The following DDX3X variants were observed in gnomAD, a reference collection of about 807,000 sequenced individuals.
The protein encoded by DDX3X is DEAD-box helicase 3 X-linked, also known as ATP-dependent RNA helicase DDX3X.
In DDX3X, 4 loss-of-function variants were observed where a neutral mutation model predicts 52.7. The ratio of observed to expected loss-of-function variants is 0.08; its 90% CI spans 0.04 to 0.17. The LOEUF (loss-of-function observed/expected upper bound fraction) is 0.17. DDX3X is among the 10% of genes least tolerant of loss of function. DDX3X has a pLI of 1.00. For synonymous variants in DDX3X, 192 were observed against 178.1 expected, an observed-to-expected ratio of 1.08 and a Z score of -0.62; for missense variants, 222 against 548.6, an observed-to-expected ratio of 0.40 and a Z score of 5.95.
intron 1 of DDX3X, chrX:41,335,065 G>GGGGGAGGGGTGGGGGCGGGGA (rs2063743747): frequency 9.1e-6 from 1 of 109,586 alleles, no homozygotes; most frequent in Non-Finnish European, 1.9e-5. Context: ...GGGGAGGAGT[G>GGGGGAGGGGTGGGGGCGGGGA]GGGGAGGGGT....
Position 41,345,554 on chromosome X carries a change from A to G in DDX3X, c.1315+6A>G. On this transcript the variant is annotated splice_donor_region_variant and intron_variant, in intron 12 of 16. Transcript: ENST00000644876. ...TGACCTCCTAAATGCAACAGGTAAC[A>G]TTATGAATTTTTTATTTTATTAGAC... is the stretch of plus-strand genomic sequence containing the variant. 8.4e-7 allele frequency: 1 copy of G among 1,190,858 alleles called. No individual in the cohort carries two copies. Among genetic ancestry groups the G allele is most frequent in the Non-Finnish European group, 1.1e-6 (1 of 884,958 alleles).
At chrX:41,344,733 C>T (rs369449444) in intron 10 of DDX3X, among the ~76,000 whole-genome samples, 9 of 112,085 alleles carry the variant, frequency 8.0e-5, no homozygotes, top group African/African-American at 1.3e-4. Context: ...CCATCGCACC[C>T]GGCCAAGTAT....
At chrX:41,345,998 C>G in intron 12 of DDX3X, 3 of 385,498 alleles carry the variant, frequency 7.8e-6, no homozygotes, top group African/African-American at 7.7e-5. Flanking sequence ...ATTGCACCTG[C>G]GAATGGCCAG....
intron 6 of DDX3X, 31 bp from the exon 7 acceptor site, chrX:41,343,184 AG>A: frequency 1.7e-6 from 2 of 1,190,793 alleles, no homozygotes; most frequent in Non-Finnish European, 2.3e-6. Flanking sequence ...AGCTCTAGAT[AG>A]CATTCCTAAC....
At position 41,342,512 on chromosome X, in the gene DDX3X, G is replaced by A. The variant is rs1311783625; in HGVS notation, c.302G>A (p.Arg101Gln). ...CTGTTCAGGTTTGATGATCGTGGAC[G>A]GAGTGATTACGATGGCATTGGCAGC... ...GSRGRFDDRG[R>Q]SDYDGIGSRG... is the part of the protein sequence containing the mutation. The change falls in exon 5 of 17, where the codon CGG becomes CAG. Residue 101 changes from arginine to glutamine, a missense_variant. Around this residue, in one of 5 missense-constraint regions of DDX3X, gnomAD observed 93 missense variants for 123.7 expected, o/e 0.75. Coordinates refer to ENST00000644876, the MANE Select transcript of DDX3X (RefSeq NM_001356.5). 2 of 1,209,829 alleles carry A rather than the reference G, an allele frequency of 1.7e-6. No individual in the cohort carries two copies. Among genetic ancestry groups the A allele is most frequent in the Non-Finnish European group, 2.2e-6 (2 of 895,105 alleles).
At chrX:41,346,653 GT>G in intron 14 of DDX3X, 31 bp downstream of exon 14, 2 of 1,096,516 alleles carry the variant, frequency 1.8e-6, no homozygotes, top group Non-Finnish European at 2.5e-6. Context: ...TGGTTTCATT[GT>G]TTTTTGCTGT....
downstream of DDX3X, chrX:41,351,154 G>C (rs1444196029): frequency 9.0e-6 from 1 of 111,589 alleles, no homozygotes; most frequent in Non-Finnish European, 1.9e-5. Flanking sequence ...AGTGACTCAT[G>C]GAGTGAAACG....
downstream of DDX3X, chrX:41,350,981 T>G (rs2063980860): frequency 8.9e-6 from 1 of 112,162 alleles, no homozygotes; most frequent in African/African-American, 3.2e-5. Context: ...GGATAATCTT[T>G]CCAGTCATGA....
downstream of DDX3X, chrX:41,351,310 A>G (rs1460910777): frequency 1.8e-5 from 2 of 112,343 alleles, no homozygotes; most frequent in Non-Finnish European, 3.8e-5. Flanking sequence ...TTTACATACT[A>G]CATTAATGTG....
chrX:41,358,065 C>CTTTTTTTTT (rs59380932), intron 5 of DDX3X: 3 of 45,254 alleles, frequency 6.6e-5, no homozygotes, highest in Non-Finnish European at 1.1e-4. Flanking sequence ...GATAGACACT[C>CTTTTTTTTT]TTTTTTTTTT....
intron 12 of DDX3X, 77 bp downstream of exon 12, chrX:41,345,625 C>A: frequency 1.1e-6 from 1 of 890,635 alleles, no homozygotes; most frequent in Non-Finnish European, 1.6e-6. Flanking sequence ...AGGGGTTATT[C>A]ACAGGTGTGA....
intron 1 of DDX3X, chrX:41,335,758 A>C (rs756114660): frequency 5.3e-5 from 6 of 112,317 alleles, no homozygotes; most frequent in African/African-American, 1.9e-4. Flanking sequence ...TTAATGAACC[A>C]ATTATATTAA....
Position 41,334,291 on chromosome X carries a change from C to T in DDX3X, c.39C>T (p.Asp13=), listed in dbSNP as rs765111475. 2.5e-6 allele frequency: 3 copies of T among 1,211,183 alleles called. No individual in the cohort carries two copies. Among genetic ancestry groups the T allele is most frequent in the Non-Finnish European group, 3.4e-6 (3 of 895,003 alleles). The change falls in exon 1 of 17, where the codon GAC becomes GAT. Residue 13 remains aspartate (D), a synonymous_variant. Transcript: ENST00000644876. ...HVAVENALGL[D]QQFAGLDLNS... ...CAGTGGAAAATGCGCTCGGGCTGGA[C>T]CAGCAGGTGAGCCGCAAGAACCCCA...
At chrX:41,351,695 A>G (rs1968479175), downstream of DDX3X, 1 of 111,293 alleles carries the variant, frequency 9.0e-6, no homozygotes, top group African/African-American at 3.3e-5. Context: ...TCCTCATTTC[A>G]GTTTATGATC....
chrX:41,335,479 A>G (rs1244727522), intron 1 of DDX3X: 1 of 110,722 alleles, frequency 9.0e-6, no homozygotes, highest in Admixed American at 9.6e-5. Flanking sequence ...GTGTGATTTG[A>G]GAGGAGAAGG....
chrX:41,337,265 T>C, intron 1 of DDX3X, 143 bp from the exon 2 acceptor site: 1 of 499,727 alleles, frequency 2.0e-6, no homozygotes, highest in Non-Finnish European at 3.5e-6. Flanking sequence ...AGTCACATTC[T>C]CATTAAGGGT....
chrX:41,333,615 C>A (rs775054156), upstream of DDX3X: 1 of 110,730 alleles, frequency 9.0e-6, no homozygotes. Flanking sequence ...GGGGAGGCTA[C>A]CCGCGGAAGA....
chrX:41,350,918 G>A (rs2063980230), downstream of DDX3X: 1 of 112,020 alleles, frequency 8.9e-6, no homozygotes, highest in Non-Finnish European at 1.9e-5. Context: ...TCAGTAAGTT[G>A]AAGGTTTGCA....
chrX:41,357,921 G>C (rs895466173), intron 5 of DDX3X: 5 of 294,288 alleles, frequency 1.7e-5, no homozygotes, highest in Non-Finnish European at 2.4e-5. Context: ...AGTCCAGCAT[G>C]TAGTCATGGC....
Sources: gnomAD v4.1 joint callset for allele counts (sites outside exome capture counted in the v4.1 genomes callset) on GRCh38, gnomAD v4.1.1 for gene constraint, gnomAD v4.1.1 regional missense constraint, MANE v1.5 for transcripts, NCBI Gene and HGNC (gene_info 2026-07-23, HGNC 2026-07-21) for gene names.